HLA-G: variants seen among roughly 807,000 people sequenced by gnomAD.
HLA-G encodes the protein major histocompatibility complex, class I, G, also known as HLA class I histocompatibility antigen, alpha chain G.
Under a neutral mutation model 39.3 loss-of-function variants are expected in HLA-G, and 34 were observed. The ratio of observed to expected loss-of-function variants is 0.86; its 90% confidence interval spans 0.66 to 1.15. HLA-G has a LOEUF of 1.15. Ranked by LOEUF, HLA-G falls within the 50% of genes most tolerant of loss-of-function variation. HLA-G has a pLI of 0.00. For missense variants in HLA-G, 419 were observed against 456.4 expected (o/e 0.92, Z 0.75); for synonymous variants, 183 against 185.8 (o/e 0.99, Z 0.12).
chr6:29,828,729 C>G lies in HLA-G; in HGVS notation c.530C>G (p.Ala177Gly). 1 of 1,613,884 alleles carries G rather than the reference C, an allele frequency of 6.2e-7. No individual in the cohort carries two copies. The highest frequency in any genetic ancestry group is 8.5e-7 in the Non-Finnish European group (1 of 1,180,020). Residue 177 changes from alanine to glycine, a missense_variant, in exon 3 of 7, where the codon GCT becomes GGT. Ala to Gly is a moderately conservative substitution (Grantham distance 60). Around this residue, in one of 2 missense-constraint regions of HLA-G, gnomAD observed 328 missense variants for 323.0 expected, o/e 1.02. Coordinates refer to ENST00000360323, the MANE Select transcript of HLA-G (RefSeq NM_001384290.1). ...CGCAAGTGTGAGGCGGCCAATGTGG[C>G]TGAACAAAGGAGAGCCTACCTGGAG... ...SKRKCEAANV[A>G]EQRRAYLEGT...
At chr6:29,826,622 C>A (rs1760710845), upstream of HLA-G, among the ~76,000 whole-genome samples, 1 of 152,106 alleles carries the variant, frequency 6.6e-6, no homozygotes, top group Admixed American at 6.6e-5. Flanking sequence ...GCTGGAGGAG[C>A]AGGAGGTGAG....
In HLA-G at chr6:29,828,531, G is replaced by A; in HGVS notation, c.344-12G>A. 4.3e-6 allele frequency: 7 copies of A among 1,610,304 alleles called. No homozygotes were observed. Among genetic ancestry groups the A allele is most frequent in the Non-Finnish European group, 5.9e-6 (7 of 1,178,090 alleles). ...GCTCGGTGGGCGGGGCTGACCGAGGGGGTGGGGCCAGGTTCTCACACCCTC... is the reference window on the plus strand; with the variant it reads ...GCTCGGTGGGCGGGGCTGACCGAGGAGGTGGGGCCAGGTTCTCACACCCTC... On this transcript the variant is annotated splice_polypyrimidine_tract_variant and intron_variant, in intron 2 of 6. Coordinates refer to ENST00000360323, the MANE Select transcript of HLA-G (RefSeq NM_001384290.1).
Position 29,829,452 on chromosome 6 carries a change from C to A in HLA-G, c.654C>A (p.Val218=). Residue 218 remains valine (V), a synonymous_variant, in exon 4 of 7, where the codon GTC becomes GTA. Coordinates refer to ENST00000360323, the MANE Select transcript of HLA-G (RefSeq NM_001384290.1). ...PPKTHVTHHP[V]FDYEATLRCW... ...AGACACACGTGACCCACCACCCTGT[C>A]TTTGACTATGAGGCCACCCTGAGGT... The A allele has an allele frequency of 6.2e-7, 1 of 1,613,902 alleles. No individual in the cohort carries two copies. The highest frequency in any genetic ancestry group is 8.5e-7 in the Non-Finnish European group (1 of 1,179,862).
At chr6:29,830,268 C>A in intron 5 of HLA-G, 110 bp from the exon 6 acceptor site, 1 of 1,203,516 alleles carries the variant, frequency 8.3e-7, no homozygotes, top group Non-Finnish European at 1.2e-6. Context: ...CCTGGGTCTG[C>A]AGTCACACAT....
In HLA-G at chr6:29,830,985, A is replaced by C; in HGVS notation, c.*246A>C. On this transcript the variant is annotated 3_prime_UTR_variant, in exon 7 of 7. Transcript: ENST00000360323. ...CAAATTTGTGGTCCACTGAGCTATA[A>C]CTTACTTCTGTATTAAAATTAGAAT... The C allele has an allele frequency of 5.5e-6, 1 of 180,906 alleles. No individual in the cohort carries two copies. Among genetic ancestry groups the C allele is most frequent in the Non-Finnish European group, 1.2e-5 (1 of 82,882 alleles). The allele number at this position is 180,906 out of a possible 1,614,324, so 11.2% of individuals were successfully genotyped here.
chr6:29,827,695 C>T (rs576355035), upstream of HLA-G: 8 of 788,126 alleles, frequency 1.0e-5, no homozygotes, highest in African/African-American at 1.2e-4. Flanking sequence ...TAACCTGTGT[C>T]GGGTCCTTCT....
chr6:29,828,351 C>A (rs17875400), intron 2 of HLA-G, 35 bp downstream of exon 2: 63,426 of 1,590,254 alleles, frequency 0.04, 1,706 homozygotes, highest in African/African-American at 0.1. Flanking sequence ...AGATCACGAC[C>A]CCCACCTCCA....
At chr6:29,829,735 A>G (rs778991895) in intron 4 of HLA-G, 42 bp downstream of exon 4, 1 of 1,607,490 alleles carries the variant, frequency 6.2e-7, no homozygotes, top group Non-Finnish European at 8.5e-7. Flanking sequence ...TAGGGAAAGC[A>G]GGAGCCTCTC....
chr6:29,828,109 T>C lies in HLA-G; in HGVS notation c.136T>C (p.Phe46Leu), dbSNP rs1760849150. The C allele has an allele frequency of 6.2e-7, 1 of 1,612,772 alleles. No individual in the cohort carries two copies. The highest frequency in any genetic ancestry group is 1.7e-5 in the Admixed American group (1 of 59,974). The change falls in exon 2 of 7, where the codon TTC becomes CTC. Residue 46 changes from phenylalanine to leucine, a missense_variant. Coordinates refer to ENST00000360323, the MANE Select transcript of HLA-G (RefSeq NM_001384290.1). ...CCGGCCCGGCCGCGGGGAGCCCCGC[T>C]TCATCGCCATGGGCTACGTGGACGA... Reference protein sequence around the residue: ...VSRPGRGEPRFIAMGYVDDTQ... With the variant: ...VSRPGRGEPRLIAMGYVDDTQ...
rs767564873 is a variant in HLA-G at position 29,828,710 on chromosome 6, T to C, written c.511T>C (p.Cys171Arg). 1.9e-6 allele frequency: 3 copies of C among 1,613,750 alleles called. No homozygotes were observed. The highest frequency in any genetic ancestry group is 2.5e-6 in the Non-Finnish European group (3 of 1,180,026). ...TGCGGCTCAGATCTCCAAGCGCAAG[T>C]GTGAGGCGGCCAATGTGGCTGAACA... ...DTAAQISKRK[C>R]EAANVAEQRR... Residue 171 changes from cysteine (C) to arginine (R), a missense_variant, in exon 3 of 7, where the codon TGT (cysteine) becomes CGT (arginine). Coordinates refer to ENST00000360323, the MANE Select transcript of HLA-G (RefSeq NM_001384290.1).
intron 4 of HLA-G, 53 bp from the exon 5 acceptor site, chr6:29,829,763 G>T (rs1761107653): frequency 1.1e-5 from 18 of 1,604,516 alleles, no homozygotes; most frequent in Non-Finnish European, 1.5e-5. Flanking sequence ...CTTTAACAGG[G>T]TCGGTGGTGA....
rs750611605 is a variant in HLA-G, at chr6:29,828,661, G to C, written c.462G>C (p.Leu154=). 18 of 1,613,540 alleles carry C rather than the reference G, an allele frequency of 1.1e-5. No individual in the cohort carries two copies. The highest frequency in any genetic ancestry group is 1.4e-5 in the Non-Finnish European group (16 of 1,180,034). ...GKDYLALNED[L]RSWTAADTAA... The stretch of plus-strand genomic sequence containing the variant: ...ATTACCTCGCCCTGAACGAGGACCT[G>C]CGCTCCTGGACCGCAGCGGACACTG... Residue 154 remains leucine, a synonymous_variant, in exon 3 of 7, where the codon CTG becomes CTC. Coordinates refer to ENST00000360323, the MANE Select transcript of HLA-G (RefSeq NM_001384290.1).
chr6:29,826,977 A>G (rs1290308684), upstream of HLA-G: 3 of 511,700 alleles, frequency 5.9e-6, no homozygotes, highest in East Asian at 1.7e-4. Context: ...ATATAGTAAC[A>G]TAGTGTGGTA....
intron 3 of HLA-G, 89 bp downstream of exon 3, chr6:29,828,907 C>T (rs1257721599): frequency 1.9e-6 from 3 of 1,547,198 alleles, no homozygotes; most frequent in Non-Finnish European, 2.7e-6. Context: ...GGGACCAACA[C>T]TAGAATATCG....
At chr6:29,827,492 G>T, upstream of HLA-G, 1 of 369,872 alleles carries the variant, frequency 2.7e-6, no homozygotes, top group East Asian at 7.0e-5. Context: ...ACCTTGCCGA[G>T]GGTTTCTCCC....
At chr6:29,829,795 C>A in intron 4 of HLA-G, 21 bp from the exon 5 acceptor site, 1 of 1,605,830 alleles carries the variant, frequency 6.2e-7, no homozygotes, top group Non-Finnish European at 8.5e-7. Flanking sequence ...CAGAGACCCT[C>A]ACCTTCACCT....
chr6:29,828,542 G>A lies in HLA-G; in HGVS notation c.344-1G>A, dbSNP rs754243559. The A allele has an allele frequency of 1.1e-5, 17 of 1,612,012 alleles. 1 individual carries two copies. The highest frequency in any genetic ancestry group is 8.8e-5 in the South Asian group (8 of 91,062). ...GGGGCTGACCGAGGGGGTGGGGCCAGGTTCTCACACCCTCCAGTGGATGAT... is the reference window on the plus strand; with the variant it reads ...GGGGCTGACCGAGGGGGTGGGGCCAAGTTCTCACACCCTCCAGTGGATGAT... On this transcript the variant is annotated splice_acceptor_variant, in intron 2 of 6. Coordinates refer to ENST00000360323, the MANE Select transcript of HLA-G (RefSeq NM_001384290.1). LOFTEE classifies it high-confidence loss of function.
Position 29,829,566 on chromosome 6 carries a change from G to A in HLA-G, c.768G>A (p.Glu256=). ...AGACCCAGGACGTGGAGCTCGTGGA[G>A]ACCAGGCCTGCAGGGGATGGAACCT... ...EDQTQDVELV[E]TRPAGDGTFQ... is the part of the protein sequence containing the mutation. Residue 256 remains glutamate, a synonymous_variant, in exon 4 of 7, where the codon GAG becomes GAA. Coordinates refer to ENST00000360323, the MANE Select transcript of HLA-G (RefSeq NM_001384290.1). 1.2e-6 allele frequency: 2 copies of A among 1,614,118 alleles called. No individual in the cohort carries two copies. The highest frequency in any genetic ancestry group is 1.7e-6 in the Non-Finnish European group (2 of 1,180,004).
At chr6:29,829,986 C>T in intron 5 of HLA-G, 54 bp downstream of exon 5, 1 of 1,306,762 alleles carries the variant, frequency 7.7e-7, no homozygotes, top group Non-Finnish European at 1.1e-6. Context: ...CTGGGGGTTT[C>T]AAGCCCCAGG....
Sources: allele counts gnomAD v4.1 joint callset (sites outside exome capture counted in the v4.1 genomes callset), GRCh38; gene constraint gnomAD v4.1.1; regional missense constraint gnomAD v4.1.1; transcripts MANE v1.5; gene names NCBI Gene and HGNC (gene_info 2026-07-23, HGNC 2026-07-21).